HDAC4: variants seen among roughly 807,000 people sequenced by gnomAD.
The protein encoded by HDAC4 is histone deacetylase 4.
A neutral mutation model predicts 135.1 loss-of-function variants in HDAC4; 16 were observed. That is an observed-to-expected ratio of 0.12 (90% CI 0.08 to 0.18). HDAC4 has a LOEUF of 0.18. Among genes scored for constraint, HDAC4 ranks in the 10% least tolerant of loss-of-function variants. HDAC4 has a pLI of 1.00. For missense variants in HDAC4, 1,143 were observed against 1,511.8 expected, an observed-to-expected ratio of 0.76 and a Z score of 4.05; for synonymous variants, 685 against 653.4, an observed-to-expected ratio of 1.05 and a Z score of -0.74.
At chr2:239,356,337 A>G (rs1693487956) in intron 1 of HDAC4, among the ~76,000 whole-genome samples, 1 of 152,152 alleles carries the variant, frequency 6.6e-6, no homozygotes, top group African/African-American at 2.4e-5. Context: ...CTGTCTCAAC[A>G]CCCCATTTAA....
chr2:239,059,933 T>C (rs1331637367), intron 24 of HDAC4, among the ~76,000 whole-genome samples: 2 of 151,912 alleles, frequency 1.3e-5, no homozygotes, highest in African/African-American at 2.4e-5. Flanking sequence ...GCAGGAGAGC[T>C]CTCCGGGGGC....
chr2:239,279,767 G>A (rs2050596859), intron 2 of HDAC4, among the ~76,000 whole-genome samples: 1 of 152,240 alleles, frequency 6.6e-6, no homozygotes, highest in Non-Finnish European at 1.5e-5. Flanking sequence ...GCGACTGAGT[G>A]AGGAGTGTCC....
intron 7 of HDAC4, among the ~76,000 whole-genome samples, chr2:239,151,852 G>T (rs1223821513): frequency 6.6e-6 from 1 of 152,190 alleles, no homozygotes. Context: ...GCTGGGGAGA[G>T]TGTTTGCTGC....
At chr2:239,131,195 G>A (rs1180187781) in intron 11 of HDAC4, among the ~76,000 whole-genome samples, 3 of 152,228 alleles carry the variant, frequency 2.0e-5, no homozygotes, top group Admixed American at 2.0e-4. Flanking sequence ...CTGGAGGTAT[G>A]TGGCGTGTAG....
At position 239,375,731 on chromosome 2, in the gene HDAC4, T is replaced by C. The variant is rs371189097; in HGVS notation, c.-219-22813A>G. Among the ~76,000 whole-genome samples the C allele has an allele frequency of 5.9e-5, 9 of 152,288 alleles. No homozygotes were observed. The East Asian group carries it at 1.7e-3, about 29-fold the overall frequency. On this transcript the variant is annotated intron_variant, in intron 1 of 26. Coordinates refer to ENST00000543185, the MANE Select transcript of HDAC4 (RefSeq NM_001378414.1). ...GATCGCATGGGGACGCTGCTTGCCA[T>C]GGAGCACCCACTGCCAGGTGCTCTG...
In HDAC4 at chr2:239,281,054, C is replaced by T. The variant is rs767534051; in HGVS notation, c.23-44390G>A. On this transcript the variant is annotated intron_variant, in intron 2 of 26. Coordinates refer to ENST00000543185, the MANE Select transcript of HDAC4 (RefSeq NM_001378414.1). ...AATGTACATACCACTCTACAATGTA[C>T]ACACCACTCTTAATGTACACACGAC... Among the ~76,000 whole-genome samples the T allele has an allele frequency of 1.3e-4, 17 of 131,148 alleles. 1 individual carries two copies. The highest frequency in any genetic ancestry group is 2.8e-4 in the Non-Finnish European group (17 of 60,320). 86.0% of individuals were successfully genotyped at this position (131,148 alleles called of 152,430 possible).
chr2:239,078,772 G>A (rs1243588061), intron 22 of HDAC4, among the ~76,000 whole-genome samples: 1 of 152,192 alleles, frequency 6.6e-6, no homozygotes, highest in Non-Finnish European at 1.5e-5. Flanking sequence ...CCCGCCAGCA[G>A]GGATGCCACG....
intron 2 of HDAC4, among the ~76,000 whole-genome samples, chr2:239,286,863 T>G (rs1023648774): frequency 1.1e-4 from 16 of 152,184 alleles, no homozygotes; most frequent in Admixed American, 2.0e-4. Flanking sequence ...CACTCAGGCA[T>G]GTTGGTGAAA....
intron 1 of HDAC4, among the ~76,000 whole-genome samples, chr2:239,379,134 C>G (rs62180883): frequency 0.26 from 39,704 of 152,076 alleles, 5,502 homozygotes; most frequent in Middle Eastern, 0.31. Flanking sequence ...GGGCAAGTCA[C>G]TCCAGGAAGG....
chr2:239,248,888 C>G (rs889127863), intron 2 of HDAC4, among the ~76,000 whole-genome samples: 4 of 152,218 alleles, frequency 2.6e-5, no homozygotes, highest in African/African-American at 9.6e-5. Flanking sequence ...CTCATTCATT[C>G]AAGTTTTCCT....
intron 2 of HDAC4, among the ~76,000 whole-genome samples, chr2:239,328,327 A>T (rs1284489367): frequency 6.6e-6 from 1 of 152,254 alleles, no homozygotes; most frequent in Non-Finnish European, 1.5e-5. Flanking sequence ...GGATGAATGT[A>T]GTCCGGGACC....
intron 1 of HDAC4, among the ~76,000 whole-genome samples, chr2:239,387,445 C>CCA (rs1695895583): frequency 6.6e-6 from 1 of 152,174 alleles, no homozygotes; most frequent in African/African-American, 2.4e-5. Context: ...ACAAAACCCC[C>CCA]CACCTTCGCC....
intron 19 of HDAC4, among the ~76,000 whole-genome samples, chr2:239,087,170 C>T (rs1029017758): frequency 6.6e-6 from 1 of 152,180 alleles, no homozygotes; most frequent in Non-Finnish European, 1.5e-5. Context: ...ACCAGGCATT[C>T]GGCAGGCAGC....
chr2:239,094,651 G>A lies in HDAC4; in HGVS notation c.2280+359C>T, dbSNP rs1417713880. On this transcript the variant is annotated intron_variant, in intron 17 of 26. Coordinates refer to ENST00000543185, the MANE Select transcript of HDAC4 (RefSeq NM_001378414.1). ...GGGTGGAAACTAGGTACAGAATACAGAAGCACGCATCCTACCCGCACCATA... is the reference window on the plus strand; with the variant it reads ...GGGTGGAAACTAGGTACAGAATACAAAAGCACGCATCCTACCCGCACCATA... 2.6e-6 allele frequency: 3 copies of A among 1,174,404 alleles called. No homozygotes were observed. In the East Asian group the frequency reaches 1.7e-4, roughly 68 times the overall value. The allele number at this position is 1,174,404 out of a possible 1,614,324, so 72.7% of individuals were successfully genotyped here.
intron 1 of HDAC4, among the ~76,000 whole-genome samples, chr2:239,368,215 C>T (rs6761097): frequency 7.0e-4 from 107 of 152,170 alleles, no homozygotes; most frequent in African/African-American, 2.1e-3. Flanking sequence ...GTTTGAGAAC[C>T]GTGGCTCTGC....
chr2:239,262,739 C>T lies in HDAC4; in HGVS notation c.23-26075G>A, dbSNP rs905322874. On this transcript the variant is annotated intron_variant, in intron 2 of 26. Coordinates refer to ENST00000543185, the MANE Select transcript of HDAC4 (RefSeq NM_001378414.1). The surrounding 1 kb of genome is among the most constrained non-coding windows in gnomAD (Gnocchi z 4.1). ...GAAGGCGCAACGGGCACAGGGCATTCTGTGGGCCACGCTCGCAGCCCAAGA... is the reference window on the plus strand; with the variant it reads ...GAAGGCGCAACGGGCACAGGGCATTTTGTGGGCCACGCTCGCAGCCCAAGA... Among the ~76,000 whole-genome samples the T allele has an allele frequency of 6.6e-5, 10 of 152,230 alleles. No individual in the cohort carries two copies. The highest frequency in any genetic ancestry group is 1.2e-4 in the African/African-American group (5 of 41,458).
intron 16 of HDAC4, among the ~76,000 whole-genome samples, chr2:239,096,920 G>A (rs371521434): frequency 6.6e-6 from 1 of 152,302 alleles, no homozygotes; most frequent in African/African-American, 2.4e-5. Flanking sequence ...GGGCTGGGGA[G>A]CTGCCATGCC....
intron 15 of HDAC4, among the ~76,000 whole-genome samples, chr2:239,107,150 G>A (rs1191163609): frequency 6.6e-6 from 1 of 152,214 alleles, no homozygotes; most frequent in Non-Finnish European, 1.5e-5. Flanking sequence ...TCCCTGTCAA[G>A]AGCTCAAGAT....
chr2:239,277,769 A>G (rs962666456), intron 2 of HDAC4, among the ~76,000 whole-genome samples: 3 of 151,996 alleles, frequency 2.0e-5, no homozygotes, highest in African/African-American at 7.3e-5. Context: ...CACAGAAAAC[A>G]CCTGCGTTCC....
Sources: allele counts gnomAD v4.1 joint callset (sites outside exome capture counted in the v4.1 genomes callset), GRCh38; gene constraint gnomAD v4.1.1; non-coding constraint Gnocchi (gnomAD v3.1); transcripts MANE v1.5; gene names NCBI Gene and HGNC (gene_info 2026-07-23, HGNC 2026-07-21).